Variants in CNTLN observed in about 807,000 individuals in gnomAD.
The protein encoded by CNTLN is centlein, centrosomal protein.
A neutral mutation model predicts 180.0 loss-of-function variants in CNTLN; 212 were observed. The observed-to-expected ratio is 1.18, with a 90% CI of 1.05 to 1.32. The LOEUF (loss-of-function observed/expected upper bound fraction) is 1.32, where lower values mean the gene tolerates loss of function less well. Among genes scored for constraint, CNTLN ranks in the 40% most tolerant of loss-of-function variants. The pLI, the probability that CNTLN is intolerant of heterozygous loss-of-function variation, is 0.00. For missense variants in CNTLN, 2,095 were observed against 1,610.9 expected, an observed-to-expected ratio of 1.30 and a Z score of -5.14; for synonymous variants, 722 against 563.1, an observed-to-expected ratio of 1.28 and a Z score of -3.99.
chr9:17,470,236 G>C (rs1248108413), intron 23 of CNTLN, among the ~76,000 whole-genome samples: 1 of 151,726 alleles, frequency 6.6e-6, no homozygotes, highest in East Asian at 1.9e-4. Context: ...AATAGTACTG[G>C]ACTTATAGTC....
Position 17,298,881 on chromosome 9 carries a change from A to G in CNTLN, c.1146+529A>G, listed in dbSNP as rs571832675. ...ACAGTTGTTTTAGGAGCCTTTCAAGAAGGTTTACCCAAGTATTTAGGTGTG... is the reference window on the plus strand; with the variant it reads ...ACAGTTGTTTTAGGAGCCTTTCAAGGAGGTTTACCCAAGTATTTAGGTGTG... On this transcript the variant is annotated intron_variant, in intron 7 of 25. Coordinates refer to ENST00000380647, the MANE Select transcript of CNTLN (RefSeq NM_017738.4). 4.1e-6 allele frequency: 4 copies of G among 985,470 alleles called. No individual in the cohort carries two copies. The African/African-American group carries it at 7.0e-5, about 17-fold the overall frequency. 61.0% of individuals were successfully genotyped at this position (985,470 alleles called of 1,614,324 possible). A position where few individuals can be genotyped will look rare whatever the true frequency, so the allele number is the denominator to read the frequency against.
the CNTLN span, among the ~76,000 whole-genome samples, chr9:17,518,306 C>T: frequency 6.6e-6 from 1 of 152,030 alleles, no homozygotes; most frequent in Admixed American, 6.6e-5. Flanking sequence ...CTCGCCCTCC[C>T]AAAATGCTGG....
At chr9:17,305,106 G>T (rs575990889) in intron 7 of CNTLN, among the ~76,000 whole-genome samples, 10 of 151,966 alleles carry the variant, frequency 6.6e-5, no homozygotes, top group African/African-American at 2.4e-4. Flanking sequence ...ATTCGAAAAG[G>T]CGTTCTTCAG....
intron 5 of CNTLN, among the ~76,000 whole-genome samples, chr9:17,259,967 C>G (rs1267800572): frequency 7.3e-6 from 1 of 137,752 alleles, no homozygotes; most frequent in Non-Finnish European, 1.5e-5. Flanking sequence ...TTTTGTGTCT[C>G]TATTTCCTTC....
At chr9:17,427,966 T>C (rs1260119163) in intron 18 of CNTLN, among the ~76,000 whole-genome samples, 2 of 152,198 alleles carry the variant, frequency 1.3e-5, no homozygotes, top group African/African-American at 4.8e-5. Flanking sequence ...TTTACTCTCA[T>C]GGAGCTTATT....
At chr9:17,345,802 C>T (rs1821836208) in intron 12 of CNTLN, among the ~76,000 whole-genome samples, 1 of 152,150 alleles carries the variant, frequency 6.6e-6, no homozygotes, top group African/African-American at 2.4e-5. Flanking sequence ...TATGTTTACC[C>T]ATAAGAGATA....
intron 5 of CNTLN, among the ~76,000 whole-genome samples, chr9:17,258,448 C>T (rs1306635161): frequency 6.6e-6 from 1 of 151,386 alleles, no homozygotes; most frequent in African/African-American, 2.5e-5. Context: ...TTAGGATTGA[C>T]TTGGCGATGC....
At chr9:17,203,304 G>A (rs1340928789) in intron 2 of CNTLN, among the ~76,000 whole-genome samples, 1 of 152,068 alleles carries the variant, frequency 6.6e-6, no homozygotes, top group Non-Finnish European at 1.5e-5. Context: ...GAATCTGACG[G>A]TTATGTGTCT....
intron 2 of CNTLN, chr9:17,167,647 T>C (rs945282209): frequency 9.8e-5 from 15 of 152,314 alleles, no homozygotes; most frequent in African/African-American, 3.4e-4. Flanking sequence ...AGGTATAGCA[T>C]GTGTATCTTC....
chr9:17,476,553 T>C (rs1035775709), intron 23 of CNTLN, among the ~76,000 whole-genome samples: 2 of 152,218 alleles, frequency 1.3e-5, no homozygotes, highest in African/African-American at 2.4e-5. Context: ...TGCTACTTCA[T>C]GAATACACAA....
At chr9:17,303,728 A>T (rs10963019) in intron 7 of CNTLN, among the ~76,000 whole-genome samples, 34,746 of 152,026 alleles carry the variant, frequency 0.23, 4,224 homozygotes, top group South Asian at 0.36. Context: ...CCTTGTCTAC[A>T]CATATTTTTA....
intron 13 of CNTLN, among the ~76,000 whole-genome samples, chr9:17,368,640 G>A (rs1478589360): frequency 6.6e-6 from 1 of 152,164 alleles, no homozygotes; most frequent in Non-Finnish European, 1.5e-5. Flanking sequence ...AGCTCCAGAA[G>A]GCTCAGCAAA....
At chr9:17,211,501 T>C (rs1823308556) in intron 2 of CNTLN, among the ~76,000 whole-genome samples, 1 of 152,212 alleles carries the variant, frequency 6.6e-6, no homozygotes, top group African/African-American at 2.4e-5. Flanking sequence ...TTCCTCCAGC[T>C]TTGTTCTTTT....
At chr9:17,468,912 A>C (rs923438660) in intron 23 of CNTLN, among the ~76,000 whole-genome samples, 1 of 151,782 alleles carries the variant, frequency 6.6e-6, no homozygotes, top group African/African-American at 2.4e-5. Flanking sequence ...TAATAGATGA[A>C]TTCAGGATTG....
At chr9:17,182,535 G>A (rs1372887449) in intron 2 of CNTLN, among the ~76,000 whole-genome samples, 1 of 152,140 alleles carries the variant, frequency 6.6e-6, no homozygotes, top group Admixed American at 6.5e-5. Flanking sequence ...CATTTTCCTG[G>A]GAATGGAAGC....
chr9:17,212,746 T>C (rs890658494), intron 2 of CNTLN, among the ~76,000 whole-genome samples: 2 of 152,234 alleles, frequency 1.3e-5, no homozygotes, highest in African/African-American at 2.4e-5. Flanking sequence ...GTGTTTGGTC[T>C]ATTCAGGGAT....
chr9:17,475,101 C>T (rs1220108387), intron 23 of CNTLN, among the ~76,000 whole-genome samples: 36 of 151,954 alleles, frequency 2.4e-4, no homozygotes, highest in Admixed American at 2.3e-3. Flanking sequence ...GCCCTCTTCT[C>T]TCTCAAGGTC....
At chr9:17,341,513 C>A (rs990975807) in intron 11 of CNTLN, among the ~76,000 whole-genome samples, 1 of 152,028 alleles carries the variant, frequency 6.6e-6, no homozygotes, top group African/African-American at 2.4e-5. Context: ...CTTGGTTAGT[C>A]GTAAGTGGCT....
chr9:17,403,544 A>ATT (rs1481517980), intron 15 of CNTLN, among the ~76,000 whole-genome samples: 1 of 32,056 alleles, frequency 3.1e-5, no homozygotes, highest in Non-Finnish European at 9.0e-5. Flanking sequence ...AGGAGGCATC[A>ATT]ATTTTTTTTT....
Sources: gnomAD v4.1 joint callset for allele counts (sites outside exome capture counted in the v4.1 genomes callset) on GRCh38, gnomAD v4.1.1 for gene constraint, MANE v1.5 for transcripts, NCBI Gene and HGNC (gene_info 2026-07-23, HGNC 2026-07-21) for gene names.